Variants in NAGS observed in about 807,000 individuals in gnomAD.
The protein encoded by NAGS is N-acetylglutamate synthase, mitochondrial.
A neutral mutation model predicts 46.9 loss-of-function variants in NAGS; 34 were observed. The observed-to-expected ratio is 0.72, with a 90% CI of 0.55 to 0.97. The LOEUF is 0.97. NAGS is among the 50% of genes least tolerant of loss of function. The pLI, the probability that NAGS is intolerant of heterozygous loss-of-function variation, is 0.00. For synonymous variants in NAGS, 334 were observed against 346.3 expected (o/e 0.96, Z 0.39); for missense variants, 665 against 747.0 (o/e 0.89, Z 1.28).
Position 44,006,993 on chromosome 17 carries a change from AG to A in NAGS, c.1096+287del. ...GGGCGGGGCCAGGGGCGGGACCATA[AG>A]GGAGGTGTTCGACCGGGAGAGATGG... is the stretch of plus-strand genomic sequence containing the variant. On this transcript the variant is annotated intron_variant, in intron 4 of 6. Transcript: ENST00000293404. This position sits in a 1 kb window ranked among gnomAD's most constrained non-coding sequence, Gnocchi z 4.8. The A allele has an allele frequency of 2.6e-6, 1 of 388,276 alleles. No individual in the cohort carries two copies. Among genetic ancestry groups the A allele is most frequent in the South Asian group, 2.6e-5 (1 of 38,442 alleles). 24.1% of individuals were successfully genotyped at this position (388,276 alleles called of 1,614,324 possible). A position where few individuals can be genotyped will look rare whatever the true frequency, so the allele number is the denominator to read the frequency against.
Position 44,008,745 on chromosome 17 carries a change from C to A in NAGS, c.*144C>A. The stretch of plus-strand genomic sequence containing the variant: ...TGCAGAGGAGAAAGCAGCCCCAGCT[C>A]TGCCCAGAGGAGGCGCTGAAGTGGG... On this transcript the variant is annotated 3_prime_UTR_variant, in exon 7 of 7. Coordinates refer to ENST00000293404, the MANE Select transcript of NAGS (RefSeq NM_153006.3). The A allele has an allele frequency of 8.8e-7, 1 of 1,134,614 alleles. No homozygotes were observed. The allele number at this position is 1,134,614 out of a possible 1,614,324, so 70.3% of individuals were successfully genotyped here. A position where few individuals can be genotyped will look rare whatever the true frequency, so the allele number is the denominator to read the frequency against.
Position 44,007,562 on chromosome 17 carries a change from C to G in NAGS, c.1269-29C>G, listed in dbSNP as rs1328044094. 2 of 1,611,100 alleles carry G rather than the reference C, an allele frequency of 1.2e-6. No individual in the cohort carries two copies. The highest frequency in any genetic ancestry group is 1.7e-6 in the Non-Finnish European group (2 of 1,179,108). ...GGGCAGCTTCGGACCAAGGAGAGGT[C>G]CCAGCCTGCCGCTCTCCCGCTGCGC... is the stretch of plus-strand genomic sequence containing the variant. On this transcript the variant is annotated intron_variant, in intron 5 of 6. Transcript: ENST00000293404. This position sits in a 1 kb window ranked among gnomAD's most constrained non-coding sequence, Gnocchi z 5.1.
In NAGS at chr17:44,008,567, C is replaced by G. The variant is rs1296845674; in HGVS notation, c.1571C>G (p.Ser524Cys). 1 of 1,614,246 alleles carries G rather than the reference C, an allele frequency of 6.2e-7. No individual in the cohort carries two copies. Among genetic ancestry groups the G allele is most frequent in the Non-Finnish European group, 8.5e-7 (1 of 1,180,048 alleles). The part of the protein sequence containing the change: ...LVNHAKGLPD[S>C]FHKPASDPGS ...AACCACGCCAAGGGACTGCCAGACT[C>G]CTTTCACAAGCCAGCTTCTGACCCA... Residue 524 changes from serine to cysteine, a missense_variant, in exon 7 of 7, where the codon TCC (serine) becomes TGC (cysteine). By Grantham distance (112) the Ser-to-Cys change is moderately radical. Transcript: ENST00000293404.
chr17:44,004,668 C>T lies in NAGS; in HGVS notation c.5C>T (p.Ala2Val). The change falls in exon 1 of 7, where the codon GCG becomes GTG. Residue 2 changes from alanine (A) to valine (V), a missense_variant. By Grantham distance (64) the Ala-to-Val change is moderately conservative. Transcript: ENST00000293404. ...GGGCAAGAGTTGGTTGTCGTCATGG[C>T]GACGGCGCTGATGGCTGTGGTTCTG... MATALMAVVLRA... is the reference protein window; with the variant it reads MVTALMAVVLRA... 6.5e-7 allele frequency: 1 copy of T among 1,530,908 alleles called. No homozygotes were observed. Among genetic ancestry groups the T allele is most frequent in the Non-Finnish European group, 8.8e-7 (1 of 1,136,578 alleles). The allele number at this position is 1,530,908 out of a possible 1,614,324, so 94.8% of individuals were successfully genotyped here.
In NAGS at chr17:44,004,674, C is replaced by A. The variant is rs559617405; in HGVS notation, c.11C>A (p.Ala4Glu). 1 of 1,535,680 alleles carries A rather than the reference C, an allele frequency of 6.5e-7. No individual in the cohort carries two copies. Residue 4 changes from alanine to glutamate, a missense_variant, in exon 1 of 7, where the codon GCG becomes GAG. Physicochemically the swap from Ala to Glu is moderately radical, Grantham distance 107 (BLOSUM62 -1). Coordinates refer to ENST00000293404, the MANE Select transcript of NAGS (RefSeq NM_153006.3). ...GAGTTGGTTGTCGTCATGGCGACGG[C>A]GCTGATGGCTGTGGTTCTGCGGGCA... MAT[A>E]LMAVVLRAAA...
chr17:44,005,117 C>T lies in NAGS; in HGVS notation c.426+28C>T, dbSNP rs1478679314. ...GAGCGGAGCCCGGCGTGGGCCGTGA[C>T]GCAGCGAGGGGATGGGGTTGTGCGG... On this transcript the variant is annotated intron_variant, in intron 1 of 6. Transcript: ENST00000293404. This position sits in a 1 kb window ranked among gnomAD's most constrained non-coding sequence, Gnocchi z 7.2. The T allele has an allele frequency of 1.3e-6, 2 of 1,550,482 alleles. No homozygotes were observed. The highest frequency in any genetic ancestry group is 1.7e-6 in the Non-Finnish European group (2 of 1,151,450).
rs748473901 is a variant in NAGS at position 44,006,575 on chromosome 17, A to T, written c.962A>T (p.Asn321Ile). Residue 321 changes from asparagine (N) to isoleucine (I), a missense_variant, in exon 4 of 7, where the codon AAC (asparagine) becomes ATC (isoleucine). By Grantham distance (149) the Asn-to-Ile change is moderately radical. Transcript: ENST00000293404. This position sits in a 1 kb window ranked among gnomAD's most constrained non-coding sequence, Gnocchi z 4.8. ...NLPADLDLVC[N>I]AEWVSTKERQ... ...CCCGCCGACCTGGACCTGGTGTGCA[A>T]CGCCGAGTGGGTGAGCACAAAAGAA... 59 of 1,582,056 alleles carry T rather than the reference A, an allele frequency of 3.7e-5. No homozygotes were observed. The highest frequency in any genetic ancestry group is 4.8e-5 in the Non-Finnish European group (56 of 1,163,294).
chr17:44,006,211 G>C lies in NAGS; in HGVS notation c.889G>C (p.Gly297Arg). 1 of 1,613,298 alleles carries C rather than the reference G, an allele frequency of 6.2e-7. No individual in the cohort carries two copies. Among genetic ancestry groups the C allele is most frequent in the South Asian group, 1.1e-5 (1 of 91,086 alleles). Residue 297 changes from glycine (G) to arginine (R), a missense_variant, in exon 3 of 7, where the codon GGC becomes CGC. Coordinates refer to ENST00000293404, the MANE Select transcript of NAGS (RefSeq NM_153006.3). The surrounding 1 kb of genome is among the most constrained non-coding windows in gnomAD (Gnocchi z 4.8). ...CAAAATCATCTTCCTCAATAACACA[G>C]GCGGCCTGCGCGACAGCAGTCATAA... is the stretch of plus-strand genomic sequence containing the variant. ...PTKIIFLNNTGGLRDSSHKVL... is the reference protein window; with the variant it reads ...PTKIIFLNNTRGLRDSSHKVL...
chr17:44,004,967 G>A lies in NAGS; in HGVS notation c.304G>A (p.Val102Met). Residue 102 changes from valine to methionine, a missense_variant, in exon 1 of 7, where the codon GTG (valine) becomes ATG (methionine). Transcript: ENST00000293404. ...AGAGCCTCCTTCGGGCCGCTCGCTGGTGCAGCGGGACATCCAGGCCTTCCT... is the reference window on the plus strand; with the variant it reads ...AGAGCCTCCTTCGGGCCGCTCGCTGATGCAGCGGGACATCCAGGCCTTCCT... ...SPEPPSGRSL[V>M]QRDIQAFLNQ... is the part of the protein sequence containing the mutation. 2 of 1,540,134 alleles carry A rather than the reference G, an allele frequency of 1.3e-6. No homozygotes were observed. Among genetic ancestry groups the A allele is most frequent in the South Asian group, 2.4e-5 (2 of 84,252 alleles).
Position 44,008,870 on chromosome 17 carries a change from A to T in NAGS, c.*269A>T. On this transcript the variant is annotated 3_prime_UTR_variant, in exon 7 of 7. Coordinates refer to ENST00000293404, the MANE Select transcript of NAGS (RefSeq NM_153006.3). ...CGATTTTCAACCTGGGGATTAGGGG[A>T]GGGGAGGGTGCCTTCCAGGGCTCTA... 1.9e-6 allele frequency: 1 copy of T among 540,408 alleles called. No individual in the cohort carries two copies. The highest frequency in any genetic ancestry group is 3.3e-6 in the Non-Finnish European group (1 of 299,566). 33.5% of individuals were successfully genotyped at this position (540,408 alleles called of 1,614,324 possible).
At position 44,004,788 on chromosome 17, in the gene NAGS, G is replaced by T. The variant is rs1430549987; in HGVS notation, c.125G>T (p.Gly42Val). Residue 42 changes from glycine to valine, a missense_variant, in exon 1 of 7, where the codon GGC (glycine) becomes GTC (valine). Physicochemically the swap from Gly to Val is moderately radical, Grantham distance 109 (BLOSUM62 -3). Coordinates refer to ENST00000293404, the MANE Select transcript of NAGS (RefSeq NM_153006.3). ...GGCGCGCGGCGGCGGGCGGCGAGGG[G>T]CACCAGCCCGGGGCGCCGGCTCAGC... ...SCGARRRAAR[G>V]TSPGRRLSTA... is the part of the protein sequence containing the mutation. 1.5e-6 allele frequency: 2 copies of T among 1,366,868 alleles called. No homozygotes were observed. The highest frequency in any genetic ancestry group is 5.9e-5 in the East Asian group (2 of 34,152). 84.7% of individuals were successfully genotyped at this position (1,366,868 alleles called of 1,614,324 possible).
chr17:44,007,514 A>C lies in NAGS; in HGVS notation c.1268+20A>C. The C allele has an allele frequency of 1.2e-6, 2 of 1,613,432 alleles. No individual in the cohort carries two copies. Among genetic ancestry groups the C allele is most frequent in the Middle Eastern group, 1.6e-4 (1 of 6,062 alleles). On this transcript the variant is annotated intron_variant, in intron 5 of 6. Coordinates refer to ENST00000293404, the MANE Select transcript of NAGS (RefSeq NM_153006.3). This position sits in a 1 kb window ranked among gnomAD's most constrained non-coding sequence, Gnocchi z 5.1. Reference sequence around the variant, plus strand: ...CGAGGGGTAAGCCTGCGGACCCCAGAGGGCGGGGTCTGGGGGGCAGTCGGG... The same window carrying C: ...CGAGGGGTAAGCCTGCGGACCCCAGCGGGCGGGGTCTGGGGGGCAGTCGGG...
Position 44,006,338 on chromosome 17 carries a change from G to A in NAGS, c.915+101G>A, listed in dbSNP as rs2049091196. 2 of 1,504,290 alleles carry A rather than the reference G, an allele frequency of 1.3e-6. No homozygotes were observed. The highest frequency in any genetic ancestry group is 2.4e-5 in the East Asian group (1 of 41,086). The allele number at this position is 1,504,290 out of a possible 1,614,324, so 93.2% of individuals were successfully genotyped here. A position where few individuals can be genotyped will look rare whatever the true frequency, so the allele number is the denominator to read the frequency against. ...CGGGCCGCAGACTCACTAGCAAGCC[G>A]GGTGGGTAGAAAAGCCTAAGGGAGT... On this transcript the variant is annotated intron_variant, in intron 3 of 6. Transcript: ENST00000293404. The surrounding 1 kb of genome is among the most constrained non-coding windows in gnomAD (Gnocchi z 4.8).
At position 44,007,244 on chromosome 17, in the gene NAGS, C is replaced by A; in HGVS notation, c.1097-79C>A. On this transcript the variant is annotated intron_variant, in intron 4 of 6. Coordinates refer to ENST00000293404, the MANE Select transcript of NAGS (RefSeq NM_153006.3). This position sits in a 1 kb window ranked among gnomAD's most constrained non-coding sequence, Gnocchi z 5.1. ...CCAAAGACGGAAATTGTCCCACCAG[C>A]GCCTGTCCTACCTGCAGTCCCCACC... The A allele has an allele frequency of 7.2e-7, 1 of 1,390,694 alleles. No individual in the cohort carries two copies. The highest frequency in any genetic ancestry group is 2.1e-5 in the Admixed American group (1 of 48,260). 86.1% of individuals were successfully genotyped at this position (1,390,694 alleles called of 1,614,324 possible). A position where few individuals can be genotyped will look rare whatever the true frequency, so the allele number is the denominator to read the frequency against.
Position 44,007,924 on chromosome 17 carries a change from G to C in NAGS, c.1451+151G>C, listed in dbSNP as rs1273383289. 1.2e-6 allele frequency: 1 copy of C among 856,222 alleles called. No homozygotes were observed. Among genetic ancestry groups the C allele is most frequent in the African/African-American group, 1.7e-5 (1 of 59,278 alleles). 53.0% of individuals were successfully genotyped at this position (856,222 alleles called of 1,614,324 possible). On this transcript the variant is annotated intron_variant, in intron 6 of 6. Coordinates refer to ENST00000293404, the MANE Select transcript of NAGS (RefSeq NM_153006.3). The surrounding 1 kb of genome is among the most constrained non-coding windows in gnomAD (Gnocchi z 5.1). ...GGGGCAGAACACACAGAAAGCCTGA[G>C]ATTTCCCGAGTTAAAGCATGCTTAA...
Position 44,005,182 on chromosome 17 carries a change from T to G in NAGS, c.426+93T>G. ...GCATGGCAGGATACGCTGCGGGCTC[T>G]GCGCAGCGGAAGCGGGAAGGAGCCC... On this transcript the variant is annotated intron_variant, in intron 1 of 6. Coordinates refer to ENST00000293404, the MANE Select transcript of NAGS (RefSeq NM_153006.3). This position sits in a 1 kb window ranked among gnomAD's most constrained non-coding sequence, Gnocchi z 7.2. 6.8e-7 allele frequency: 1 copy of G among 1,471,468 alleles called. No individual in the cohort carries two copies. Among genetic ancestry groups the G allele is most frequent in the Non-Finnish European group, 9.0e-7 (1 of 1,110,804 alleles). The allele number at this position is 1,471,468 out of a possible 1,614,324, so 91.2% of individuals were successfully genotyped here.
chr17:44,006,831 G>T lies in NAGS; in HGVS notation c.1096+122G>T, dbSNP rs906038110. On this transcript the variant is annotated intron_variant, in intron 4 of 6. Transcript: ENST00000293404. The surrounding 1 kb of genome is among the most constrained non-coding windows in gnomAD (Gnocchi z 4.8). ...CAGGAGCCGTAGGGGGAGGCGGGGG[G>T]TGTCACAGCAATGGCTCCTGCTGCT... 2 of 1,101,796 alleles carry T rather than the reference G, an allele frequency of 1.8e-6. No individual in the cohort carries two copies. The highest frequency in any genetic ancestry group is 2.5e-6 in the Non-Finnish European group (2 of 787,544). The allele number at this position is 1,101,796 out of a possible 1,614,324, so 68.3% of individuals were successfully genotyped here.
rs1168847065 is a variant in NAGS, at chr17:44,007,848, A to G, written c.1451+75A>G. 48 of 1,471,370 alleles carry G rather than the reference A, an allele frequency of 3.3e-5. No individual in the cohort carries two copies. Among genetic ancestry groups the G allele is most frequent in the Non-Finnish European group, 4.5e-5 (48 of 1,074,590 alleles). The allele number at this position is 1,471,370 out of a possible 1,614,324, so 91.1% of individuals were successfully genotyped here. The stretch of plus-strand genomic sequence containing the variant: ...TCTCCCACCCTTGCCAACCATGCCA[A>G]GAAGGCTGGGCTTCCTCTTCTTCCA... On this transcript the variant is annotated intron_variant, in intron 6 of 6. Transcript: ENST00000293404. The surrounding 1 kb of genome is among the most constrained non-coding windows in gnomAD (Gnocchi z 5.1).
rs369266697 is a variant in NAGS at position 44,005,973 on chromosome 17, C to T, written c.702-51C>T. Reference sequence around the variant, plus strand: ...GCGTGCTACTCTGCCCGCCCTGCCCCGTCCGGCAGGCCTGGAGGGGGCCCT... The same window carrying T: ...GCGTGCTACTCTGCCCGCCCTGCCCTGTCCGGCAGGCCTGGAGGGGGCCCT... On this transcript the variant is annotated intron_variant, in intron 2 of 6. Coordinates refer to ENST00000293404, the MANE Select transcript of NAGS (RefSeq NM_153006.3). This position sits in a 1 kb window ranked among gnomAD's most constrained non-coding sequence, Gnocchi z 7.2. The T allele has an allele frequency of 1.4e-5, 22 of 1,557,938 alleles. No homozygotes were observed. The African/African-American group carries it at 2.7e-4, about 19-fold the overall frequency.
Sources: allele counts gnomAD v4.1 joint callset, GRCh38; gene constraint gnomAD v4.1.1; non-coding constraint Gnocchi (gnomAD v3.1); transcripts MANE v1.5; gene names NCBI Gene and HGNC (gene_info 2026-07-23, HGNC 2026-07-21).